Variants in CFAP161 observed in about 807,000 individuals in gnomAD.
CFAP161 encodes cilia and flagella associated protein 161.
In CFAP161, 25 loss-of-function variants were observed where a neutral mutation model predicts 29.0. That is an observed-to-expected ratio of 0.86 (90% CI 0.63 to 1.20). The LOEUF is 1.20. Among genes scored for constraint, CFAP161 ranks in the 50% most tolerant of loss-of-function variants. The pLI is 0.00. For synonymous variants in CFAP161, 116 were observed against 137.4 expected (o/e 0.84, Z 1.09); for missense variants, 367 against 371.9 (o/e 0.99, Z 0.11).
chr15:81,136,656 G>C lies in CFAP161; in HGVS notation c.300G>C (p.Gln100His). The stretch of plus-strand genomic sequence containing the variant: ...TGTGTATGACTCCAGATGAAATTCA[G>C]TCCCATCTGAAAGACGAATTAGAGG... ...LSLCMTPDEI[Q>H]SHLKDELEVP... Residue 100 changes from glutamine (Q) to histidine (H), a missense_variant, in exon 3 of 7, where the codon CAG (glutamine) becomes CAC (histidine). Gln to His is a conservative substitution (Grantham distance 24). Transcript: ENST00000286732. 1.2e-6 allele frequency: 2 copies of C among 1,614,110 alleles called. No individual in the cohort carries two copies. The highest frequency in any genetic ancestry group is 1.7e-6 in the Non-Finnish European group (2 of 1,180,018).
At chr15:81,131,231 T>C (rs1347132826), upstream of CFAP161, among the ~76,000 whole-genome samples, 1 of 150,810 alleles carries the variant, frequency 6.6e-6, no homozygotes, top group Non-Finnish European at 1.5e-5. Context: ...TGTCTAGTTT[T>C]CAACAAAAAA....
chr15:81,125,850 TG>T (rs1267094132), intron 1 of CFAP161, among the ~76,000 whole-genome samples: 2 of 152,088 alleles, frequency 1.3e-5, no homozygotes, highest in Admixed American at 6.6e-5. Flanking sequence ...AACAACTCAT[TG>T]TTTTTTTTGT....
chr15:81,118,847 G>A lies in CFAP161; in HGVS notation c.-141-8743G>A, dbSNP rs185345685. 1.2e-4 allele frequency among the ~76,000 whole-genome samples: 18 copies of A among 150,232 alleles called. No individual in the cohort carries two copies. The East Asian group carries it at 2.9e-3, about 24-fold the overall frequency. ...TGGAAGAATCAGGTAGGGAGAAGAA[G>A]CAATTGCTTCTATTTTTGTATACGT... On this transcript the variant is annotated intron_variant, in intron 1 of 4. Coordinates refer to the CFAP161 transcript ENST00000560091.
At chr15:81,106,198 T>C (rs1431463057) in intron 1 of CFAP161, among the ~76,000 whole-genome samples, 1 of 152,086 alleles carries the variant, frequency 6.6e-6, no homozygotes, top group Admixed American at 6.5e-5. Context: ...GAAAGTAAAT[T>C]CAAATAGAGT....
intron 4 of CFAP161, among the ~76,000 whole-genome samples, chr15:81,143,420 C>T (rs1894948177): frequency 6.6e-6 from 1 of 152,098 alleles, no homozygotes; most frequent in South Asian, 2.1e-4. Context: ...GTTTGGTATT[C>T]AGAGGAAGGA....
chr15:81,128,301 ACTT>A (rs1301170728), intron 2 of CFAP161, among the ~76,000 whole-genome samples: 1 of 152,222 alleles, frequency 6.6e-6, no homozygotes, highest in Admixed American at 6.5e-5. Context: ...CCATGGTAGA[ACTT>A]CTTCTGAAAT....
At chr15:81,128,968 A>AAAAAAAAAT (rs1894675459) in intron 2 of CFAP161, among the ~76,000 whole-genome samples, 1 of 152,032 alleles carries the variant, frequency 6.6e-6, no homozygotes, top group Non-Finnish European at 1.5e-5. Flanking sequence ...AAAAAAAAAA[A>AAAAAAAAAT]AAGCATTTCT....
At chr15:81,144,293 C>G (rs935054241) in intron 5 of CFAP161, among the ~76,000 whole-genome samples, 7 of 152,322 alleles carry the variant, frequency 4.6e-5, no homozygotes, top group Non-Finnish European at 7.3e-5. Context: ...CCGCTAAGTA[C>G]TATTTTTTAA....
At chr15:81,107,670 A>G (rs1321944980) in intron 1 of CFAP161, among the ~76,000 whole-genome samples, 1 of 152,224 alleles carries the variant, frequency 6.6e-6, no homozygotes, top group Non-Finnish European at 1.5e-5. Context: ...GGTTGTGGCG[A>G]GCCGAGATCA....
At chr15:81,143,253 C>T (rs1477917123) in intron 4 of CFAP161, among the ~76,000 whole-genome samples, 1 of 152,168 alleles carries the variant, frequency 6.6e-6, no homozygotes, top group East Asian at 1.9e-4. Context: ...TTGGAGGCTG[C>T]AGTGAACCAT....
chr15:81,107,492 G>A (rs1257104086), intron 1 of CFAP161, among the ~76,000 whole-genome samples: 2 of 152,192 alleles, frequency 1.3e-5, no homozygotes, highest in African/African-American at 2.4e-5. Flanking sequence ...TTGGGAGGCC[G>A]GGGTGGGCGG....
At chr15:81,110,572 A>G (rs886174927) in intron 1 of CFAP161, among the ~76,000 whole-genome samples, 2 of 152,154 alleles carry the variant, frequency 1.3e-5, no homozygotes, top group Non-Finnish European at 2.9e-5. Flanking sequence ...GAGACTAAAC[A>G]CTACTCTGGG....
chr15:81,106,885 G>T (rs1015320146), intron 1 of CFAP161, among the ~76,000 whole-genome samples: 53 of 152,234 alleles, frequency 3.5e-4, no homozygotes, highest in African/African-American at 1.2e-3. Flanking sequence ...GAGCTACATA[G>T]CAAGACCCCA....
chr15:81,135,744 A>G (rs1894799114), intron 2 of CFAP161, among the ~76,000 whole-genome samples: 1 of 151,952 alleles, frequency 6.6e-6, no homozygotes, highest in African/African-American at 2.4e-5. Flanking sequence ...TATGTGCCAC[A>G]TTTTCTTAAT....
chr15:81,102,838 T>G (rs753728200), intron 1 of CFAP161, among the ~76,000 whole-genome samples: 2 of 152,234 alleles, frequency 1.3e-5, no homozygotes, highest in Non-Finnish European at 2.9e-5. Context: ...AGAAATGTAG[T>G]TGATGTTGGA....
upstream of CFAP161, among the ~76,000 whole-genome samples, chr15:81,129,952 T>A (rs1894688590): frequency 6.6e-6 from 1 of 151,984 alleles, no homozygotes; most frequent in Non-Finnish European, 1.5e-5. Flanking sequence ...AGGCTTTTTT[T>A]TTTTTTTTGC....
chr15:81,117,765 G>A (rs1533055), intron 1 of CFAP161: 165,838 of 289,610 alleles, frequency 0.57, 49,512 homozygotes, highest in Middle Eastern at 0.68. Context: ...CTTCCTCCTC[G>A]CTGACTTCAT....
upstream of CFAP161, among the ~76,000 whole-genome samples, chr15:81,133,176 C>CATATAT (rs141326043): frequency 8.4e-4 from 51 of 60,968 alleles, no homozygotes; most frequent in South Asian, 1.6e-3. Flanking sequence ...CCTTCATCAG[C>CATATAT]ATATATATAT....
In CFAP161 at chr15:81,148,345, T is replaced by C. The variant is rs1205407335; in HGVS notation, c.718T>C (p.Phe240Leu). The stretch of plus-strand genomic sequence containing the variant: ...GATTCTCTCTTGCTCCAGCACCTAT[T>C]TTGGAAAGGAGGCTGAGGTTGTAGC... ...AHRHLFLSTY[F>L]GKEAEVVAHT... is the part of the protein sequence containing the mutation. Residue 240 changes from phenylalanine to leucine, a missense_variant, in exon 7 of 7, where the codon TTT (phenylalanine) becomes CTT (leucine). Physicochemically the swap from Phe to Leu is conservative, Grantham distance 22. Transcript: ENST00000286732. The C allele has an allele frequency of 6.2e-7, 1 of 1,609,296 alleles. No homozygotes were observed. The highest frequency in any genetic ancestry group is 8.5e-7 in the Non-Finnish European group (1 of 1,176,022).
Sources: gnomAD v4.1 joint callset for allele counts (sites outside exome capture counted in the v4.1 genomes callset) on GRCh38, gnomAD v4.1.1 for gene constraint, MANE v1.5 for transcripts, NCBI Gene and HGNC (gene_info 2026-07-23, HGNC 2026-07-21) for gene names.